The following SNW1 variants were observed in gnomAD, a reference collection of about 807,000 sequenced individuals.
SNW1 encodes the protein SNW domain containing 1.
Under a neutral mutation model 75.6 loss-of-function variants are expected in SNW1, and 9 were observed. The ratio of observed to expected loss-of-function variants is 0.12; its 90% confidence interval spans 0.07 to 0.21. The LOEUF is 0.21. SNW1 is among the 10% of genes least tolerant of loss of function. The probability of loss-of-function intolerance (pLI) is 1.00; values close to 1 mark genes in which losing one functional copy is unlikely to be tolerated. For synonymous variants in SNW1, 200 were observed against 219.1 expected (o/e 0.91, Z 0.77); for missense variants, 409 against 670.9 (o/e 0.61, Z 4.31).
intron 7 of SNW1, 97 bp downstream of exon 7, chr14:77,735,840 A>G: frequency 3.9e-6 from 3 of 763,902 alleles, no homozygotes; most frequent in Non-Finnish European, 6.5e-6. Context: ...ACTACAAGTC[A>G]GTGTGGTGAC....
chr14:77,727,040 T>C (rs1369388553), intron 10 of SNW1, among the ~76,000 whole-genome samples: 1 of 151,014 alleles, frequency 6.6e-6, no homozygotes, highest in South Asian at 2.1e-4. Context: ...TCTGACAAAG[T>C]ATAATTTGAT....
chr14:77,724,095 T>C (rs1193303316), intron 10 of SNW1, among the ~76,000 whole-genome samples: 2 of 152,206 alleles, frequency 1.3e-5, no homozygotes, highest in Non-Finnish European at 2.9e-5. Context: ...TGTCTTCAAC[T>C]TACTTTGAAA....
Position 77,755,046 on chromosome 14 carries a change from C to G in SNW1, c.89G>C (p.Arg30Pro), listed in dbSNP as rs566658506. ...AEEKARSQRSRQTSLVSSRRE... is the reference protein window; with the variant it reads ...AEEKARSQRSPQTSLVSSRRE... ...TCGGGAGGAGACCAGTGAGGTCTGCCGTGATCTCTGGGATCTTGCCTTTTC... is the reference window on the plus strand; with the variant it reads ...TCGGGAGGAGACCAGTGAGGTCTGCGGTGATCTCTGGGATCTTGCCTTTTC... Residue 30 changes from arginine (R) to proline (P), a missense_variant, in exon 2 of 14, where the codon CGG (arginine) becomes CCG (proline). By Grantham distance (103) the Arg-to-Pro change is moderately radical (BLOSUM62 -2). This residue lies in a region of SNW1 where 73 missense variants were observed against 68.3 expected (regional missense o/e 1.07). Coordinates refer to ENST00000261531, the MANE Select transcript of SNW1 (RefSeq NM_012245.3). 3.1e-6 allele frequency: 5 copies of G among 1,612,314 alleles called. No homozygotes were observed. The South Asian group carries it at 5.5e-5, about 18-fold the overall frequency.
At position 77,738,644 on chromosome 14, in the gene SNW1, T is replaced by A. The variant is rs1221482040; in HGVS notation, c.533+134A>T. ...TGCTTTCAATTGTCTGCAAAGACAG[T>A]AGACAGGCTTTGAGTCATTATTGAA... On this transcript the variant is annotated intron_variant, in intron 5 of 13. Transcript: ENST00000261531. 6.0e-6 allele frequency: 4 copies of A among 666,064 alleles called. No homozygotes were observed. The South Asian group carries it at 7.6e-5, about 13-fold the overall frequency. The allele number at this position is 666,064 out of a possible 1,614,324, so 41.3% of individuals were successfully genotyped here.
rs781514092 is a variant in SNW1, at chr14:77,751,348, T to C, written c.301A>G (p.Ile101Val). 69 of 1,613,356 alleles carry C rather than the reference T, an allele frequency of 4.3e-5. No homozygotes were observed. The highest frequency in any genetic ancestry group is 1.1e-4 in the African/African-American group (8 of 74,916). The change falls in exon 3 of 14, where the codon ATT becomes GTT. Residue 101 changes from isoleucine to valine, a missense_variant. Around this residue, in one of 9 missense-constraint regions of SNW1, gnomAD observed 60 missense variants for 62.6 expected, o/e 0.96. Coordinates refer to ENST00000261531, the MANE Select transcript of SNW1 (RefSeq NM_012245.3). ...DSEGKIKYDA[I>V]ARQGQSKDKV... ...TCTTTTGACTGTCCTTGTCGAGCAA[T>C]TGCATCATATTTAATTTTTCCTTCA...
chr14:77,758,538 A>C (rs996807676), intron 1 of SNW1, among the ~76,000 whole-genome samples: 3 of 152,092 alleles, frequency 2.0e-5, no homozygotes, highest in African/African-American at 7.2e-5. Context: ...CACCTTACCC[A>C]AAATAGCCAC....
intron 10 of SNW1, among the ~76,000 whole-genome samples, chr14:77,725,352 A>G (rs1340248126): frequency 6.6e-6 from 1 of 152,008 alleles, no homozygotes; most frequent in East Asian, 1.9e-4. Flanking sequence ...ATTTGTCTAT[A>G]TTTGCTTTTG....
At chr14:77,753,310 CCTGT>C (rs1402862993) in intron 2 of SNW1, among the ~76,000 whole-genome samples, 2 of 152,156 alleles carry the variant, frequency 1.3e-5, no homozygotes, top group Non-Finnish European at 2.9e-5. Flanking sequence ...TAAGATGATG[CCTGT>C]CACCCTCATT....
intron 2 of SNW1, among the ~76,000 whole-genome samples, chr14:77,752,914 GAA>G (rs2080819296): frequency 6.6e-6 from 1 of 152,166 alleles, no homozygotes; most frequent in African/African-American, 2.4e-5. Flanking sequence ...TTGTAAATGA[GAA>G]AGAGTTAAAG....
chr14:77,749,507 C>T (rs1301366325), intron 3 of SNW1, among the ~76,000 whole-genome samples: 1 of 152,176 alleles, frequency 6.6e-6, no homozygotes, highest in Non-Finnish European at 1.5e-5. Flanking sequence ...AGCCTCATGC[C>T]TGTAATCCCA....
chr14:77,760,727 G>A (rs1465359892), intron 1 of SNW1: 2 of 702,338 alleles, frequency 2.8e-6, no homozygotes, highest in Non-Finnish European at 5.2e-6. Flanking sequence ...GGAAAGCCGC[G>A]CAGTCGCAGC....
chr14:77,724,617 T>A lies in SNW1; in HGVS notation c.1034-1340A>T, dbSNP rs571206540. Among the ~76,000 whole-genome samples, 53 of 152,350 alleles carry A rather than the reference T, an allele frequency of 3.5e-4. No homozygotes were observed. The South Asian group carries it at 6.4e-3, about 18-fold the overall frequency. On this transcript the variant is annotated intron_variant, in intron 10 of 13. Coordinates refer to ENST00000261531, the MANE Select transcript of SNW1 (RefSeq NM_012245.3). The stretch of plus-strand genomic sequence containing the variant: ...AAGTGGGAAGATTCAGTATTCGTTT[T>A]TCTGTGCCGGGCTTATTCACTTAAT...
chr14:77,751,291 T>A (rs1451516427), intron 3 of SNW1, 28 bp downstream of exon 3: 4 of 1,576,440 alleles, frequency 2.5e-6, no homozygotes, highest in Non-Finnish European at 3.5e-6. Context: ...AAAATATTTA[T>A]CATTCAGGGA....
chr14:77,723,335 G>A, intron 10 of SNW1, 58 bp from the exon 11 acceptor site: 1 of 1,227,736 alleles, frequency 8.1e-7, no homozygotes, highest in Non-Finnish European at 1.2e-6. Context: ...GTGCATACGT[G>A]TACACGTGTG....
chr14:77,740,090 C>T (rs1248285490), intron 3 of SNW1, among the ~76,000 whole-genome samples: 9 of 136,818 alleles, frequency 6.6e-5, no homozygotes, highest in South Asian at 2.4e-4. Flanking sequence ...GCCAAGATTG[C>T]GTCACTGCAC....
Position 77,739,015 on chromosome 14 carries a change from T to C in SNW1, c.377A>G (p.Asn126Ser). 1.2e-6 allele frequency: 2 copies of C among 1,614,170 alleles called. No homozygotes were observed. The highest frequency in any genetic ancestry group is 1.1e-5 in the South Asian group (1 of 91,086). ...CCTTTGCAGGTCTGGATCATCTGCATTCATAACCTCCTTTGGAACCAGGTC... is the reference window on the plus strand; with the variant it reads ...CCTTTGCAGGTCTGGATCATCTGCACTCATAACCTCCTTTGGAACCAGGTC... The part of the protein sequence containing the change: ...YTDLVPKEVM[N>S]ADDPDLQRPD... Residue 126 changes from asparagine (N) to serine (S), a missense_variant, in exon 4 of 14, where the codon AAT becomes AGT. By Grantham distance (46) the Asn-to-Ser change is conservative (BLOSUM62 1). Around this residue, in one of 9 missense-constraint regions of SNW1, gnomAD observed 60 missense variants for 62.6 expected, o/e 0.96. Transcript: ENST00000261531.
At chr14:77,725,659 T>C (rs1457317753) in intron 10 of SNW1, among the ~76,000 whole-genome samples, 4 of 152,208 alleles carry the variant, frequency 2.6e-5, no homozygotes, top group Admixed American at 6.5e-5. Context: ...TGGTGGTTCA[T>C]GCCTGTAACG....
At position 77,717,859 on chromosome 14, in the gene SNW1, T is replaced by C; in HGVS notation, c.*229A>G. ...TTTGTATGTGGGGCAGCATGTTCTATAAATGCTGAAAGGTGGGAGAAGCAC... is the reference window on the plus strand; with the variant it reads ...TTTGTATGTGGGGCAGCATGTTCTACAAATGCTGAAAGGTGGGAGAAGCAC... On this transcript the variant is annotated 3_prime_UTR_variant, in exon 14 of 14. Transcript: ENST00000261531. The C allele has an allele frequency of 1.8e-6, 1 of 552,254 alleles. No homozygotes were observed. The highest frequency in any genetic ancestry group is 3.2e-6 in the Non-Finnish European group (1 of 315,648). The allele number at this position is 552,254 out of a possible 1,614,324, so 34.2% of individuals were successfully genotyped here. A position where few individuals can be genotyped will look rare whatever the true frequency, so the allele number is the denominator to read the frequency against.
At chr14:77,741,435 G>C (rs1300647837) in intron 3 of SNW1, among the ~76,000 whole-genome samples, 1 of 152,106 alleles carries the variant, frequency 6.6e-6, no homozygotes, top group Non-Finnish European at 1.5e-5. Context: ...TGATTTCCCA[G>C]AAAAAACTAT....
Sources: allele counts gnomAD v4.1 joint callset (sites outside exome capture counted in the v4.1 genomes callset), GRCh38; gene constraint gnomAD v4.1.1; regional missense constraint gnomAD v4.1.1; transcripts MANE v1.5; gene names NCBI Gene and HGNC (gene_info 2026-07-23, HGNC 2026-07-21).